TWIST2: variants seen among roughly 807,000 people sequenced by gnomAD.
TWIST2 encodes twist-related protein 2.
Under a neutral mutation model 11.6 loss-of-function variants are expected in TWIST2, and 1 was observed. The observed-to-expected ratio is 0.09, with a 90% confidence interval of 0.03 to 0.41. The LOEUF is 0.41. TWIST2 is among the 10% of genes least tolerant of loss of function. TWIST2 has a pLI of 0.98. For missense variants in TWIST2, 168 were observed against 226.4 expected (o/e 0.74, Z 1.66); for synonymous variants, 87 against 96.6 (o/e 0.90, Z 0.58).
intron 1 of TWIST2, among the ~76,000 whole-genome samples, chr2:238,901,329 T>C (rs1480954501): frequency 1.3e-5 from 2 of 152,206 alleles, no homozygotes; most frequent in Non-Finnish European, 2.9e-5. Context: ...CTCTCTGATG[T>C]ATTTGTTTTT....
intron 1 of TWIST2, among the ~76,000 whole-genome samples, chr2:238,903,097 G>T (rs1266661585): frequency 2.1e-5 from 3 of 143,018 alleles, no homozygotes; most frequent in South Asian, 2.2e-4. Context: ...TGTGCTGTGG[G>T]GTATGTGCGT....
intron 1 of TWIST2, among the ~76,000 whole-genome samples, chr2:238,871,163 CCA>C (rs1210510063): frequency 0.051 from 108 of 2,138 alleles, 1 homozygote; most frequent in Middle Eastern, 0.5. Flanking sequence ...ACCACACACC[CCA>C]CACACACACC....
intron 1 of TWIST2, among the ~76,000 whole-genome samples, chr2:238,889,669 T>C (rs1196315716): frequency 6.6e-6 from 1 of 152,238 alleles, no homozygotes; most frequent in Non-Finnish European, 1.5e-5. Context: ...CTGCAGTGAA[T>C]AGTCCTCTAC....
chr2:238,858,272 G>A (rs1261901605), intron 1 of TWIST2, among the ~76,000 whole-genome samples: 1 of 152,136 alleles, frequency 6.6e-6, no homozygotes. Context: ...CTAATTCTGA[G>A]AACTTTTAAA....
intron 1 of TWIST2, among the ~76,000 whole-genome samples, chr2:238,891,678 C>T (rs1693136512): frequency 6.6e-6 from 1 of 152,084 alleles, no homozygotes; most frequent in South Asian, 2.1e-4. Flanking sequence ...CGAGAAGGTT[C>T]GAGGGTCATC....
At chr2:238,870,156 C>A (rs1692626948) in intron 1 of TWIST2, among the ~76,000 whole-genome samples, 1 of 140,342 alleles carries the variant, frequency 7.1e-6, no homozygotes, top group Non-Finnish European at 1.5e-5. Flanking sequence ...ACACACCACA[C>A]CCCACACACA....
In TWIST2 at chr2:238,863,318, G is replaced by A. The variant is rs762021647; in HGVS notation, c.*35+14585G>A. On this transcript the variant is annotated intron_variant, in intron 1 of 1. Transcript: ENST00000612363. The surrounding 1 kb of genome is among the most constrained non-coding windows in gnomAD (Gnocchi z 4.7). ...AAGTAATACAAAAGAGTGGCCTTCA[G>A]AATATATTTTTGTATCTTCTGCAAT... is the stretch of plus-strand genomic sequence containing the variant. Among the ~76,000 whole-genome samples, 1 of 152,168 alleles carries A rather than the reference G, an allele frequency of 6.6e-6. No individual in the cohort carries two copies. The highest frequency in any genetic ancestry group is 2.4e-5 in the African/African-American group (1 of 41,440).
At chr2:238,897,747 G>T (rs1693222562) in intron 1 of TWIST2, among the ~76,000 whole-genome samples, 1 of 152,218 alleles carries the variant, frequency 6.6e-6, no homozygotes, top group Non-Finnish European at 1.5e-5. Context: ...CTGGGGTGGA[G>T]GTGGCCAGCT....
intron 1 of TWIST2, among the ~76,000 whole-genome samples, chr2:238,895,267 T>G (rs1289422676): frequency 1.3e-5 from 2 of 152,240 alleles, no homozygotes; most frequent in Non-Finnish European, 2.9e-5. Context: ...CTGACTTGCG[T>G]TCTGGGGGAG....
chr2:238,870,540 A>C, intron 1 of TWIST2, among the ~76,000 whole-genome samples: 1 of 90,598 alleles, frequency 1.1e-5, no homozygotes, highest in Middle Eastern at 9.3e-3. Context: ...CACCCTACAT[A>C]CCCCACACAC....
intron 1 of TWIST2, among the ~76,000 whole-genome samples, chr2:238,851,172 A>G (rs965074060): frequency 6.6e-6 from 1 of 152,254 alleles, no homozygotes; most frequent in Admixed American, 6.5e-5. Context: ...GTATGTGAAG[A>G]AAACTGTCAA....
intron 1 of TWIST2, among the ~76,000 whole-genome samples, chr2:238,884,043 C>T (rs773474173): frequency 7.9e-5 from 12 of 152,200 alleles, no homozygotes; most frequent in Non-Finnish European, 1.5e-4. Context: ...AGGGTTAATC[C>T]GAATTCTTCC....
At chr2:238,888,981 A>C (rs892097486) in intron 1 of TWIST2, among the ~76,000 whole-genome samples, 7 of 152,114 alleles carry the variant, frequency 4.6e-5, no homozygotes, top group Non-Finnish European at 1.0e-4. Flanking sequence ...TTGACACGCA[A>C]ATGGTTGTAA....
chr2:238,890,369 C>T (rs528972408), intron 1 of TWIST2, among the ~76,000 whole-genome samples: 15 of 152,290 alleles, frequency 9.8e-5, no homozygotes, highest in South Asian at 4.1e-4. Context: ...GGTGAAAGTC[C>T]GGCACCTCCC....
At chr2:238,872,571 A>T (rs150942907) in intron 1 of TWIST2, among the ~76,000 whole-genome samples, 98,031 of 152,116 alleles carry the variant, frequency 0.64, 31,841 homozygotes, top group East Asian at 0.97. Context: ...TGGGGTTAAT[A>T]GTCCATGAAT....
At chr2:238,902,717 ATG>A (rs1434333644) in intron 1 of TWIST2, among the ~76,000 whole-genome samples, 6 of 83,658 alleles carry the variant, frequency 7.2e-5, no homozygotes, top group Non-Finnish European at 1.1e-4. Flanking sequence ...GGTGTGTGTG[ATG>A]TGTGTGTGAT....
In TWIST2 at chr2:238,863,442, T is replaced by A. The variant is rs1692468904; in HGVS notation, c.*35+14709T>A. ...GGAATGTACCAGCGCGGCTCCCTGA[T>A]GGAGCTGGCGACGTCCTTTGGCAGT... is the stretch of plus-strand genomic sequence containing the variant. On this transcript the variant is annotated intron_variant, in intron 1 of 1. Coordinates refer to ENST00000612363, the MANE Select transcript of TWIST2 (RefSeq NM_001271893.4). The surrounding 1 kb of genome is among the most constrained non-coding windows in gnomAD (Gnocchi z 4.7). Among the ~76,000 whole-genome samples the A allele has an allele frequency of 6.6e-6, 1 of 152,228 alleles. No homozygotes were observed. Among genetic ancestry groups the A allele is most frequent in the Non-Finnish European group, 1.5e-5 (1 of 68,036 alleles).
chr2:238,876,126 T>C (rs193142780), intron 1 of TWIST2, among the ~76,000 whole-genome samples: 136 of 152,256 alleles, frequency 8.9e-4, no homozygotes, highest in African/African-American at 3.2e-3. Flanking sequence ...ACTGCCCCGT[T>C]GGGTGGGTGT....
intron 1 of TWIST2, among the ~76,000 whole-genome samples, chr2:238,870,375 C>A (rs867073833): frequency 1.6e-3 from 5 of 3,196 alleles, no homozygotes; most frequent in African/African-American, 5.0e-3. Context: ...ACCACACACC[C>A]CACACACCCC....
Sources: gnomAD v4.1 joint callset for allele counts (sites outside exome capture counted in the v4.1 genomes callset) on GRCh38, gnomAD v4.1.1 for gene constraint, Gnocchi (gnomAD v3.1) non-coding constraint, MANE v1.5 for transcripts, NCBI Gene and HGNC (gene_info 2026-07-23, HGNC 2026-07-21) for gene names.